ZNF431: variants seen among roughly 807,000 people sequenced by gnomAD.
The protein encoded by ZNF431 is zinc finger protein 431.
A neutral mutation model predicts 57.0 loss-of-function variants in ZNF431; 34 were observed. The ratio of observed to expected loss-of-function variants is 0.60; its 90% CI spans 0.45 to 0.79. The LOEUF (loss-of-function observed/expected upper bound fraction) is 0.79. Ranked by LOEUF, ZNF431 falls within the 30% of genes least tolerant of loss-of-function variation. The pLI is 0.00. For synonymous variants in ZNF431, 207 were observed against 220.3 expected, an observed-to-expected ratio of 0.94 and a Z score of 0.54; for missense variants, 607 against 667.1, an observed-to-expected ratio of 0.91 and a Z score of 0.99.
intron 2 of ZNF431, among the ~76,000 whole-genome samples, chr19:21,161,884 C>T (rs1970577013): frequency 1.3e-5 from 2 of 152,120 alleles, no homozygotes; most frequent in Admixed American, 1.3e-4. Flanking sequence ...GAACTCCCGA[C>T]CTCAGGTGAT....
At position 21,143,547 on chromosome 19, in the gene ZNF431, A is replaced by C. The variant is rs376252514; in HGVS notation, c.4-4A>C. ...ATCAGCTTCTGGTTTATTTTCTTCCATAGGACGACTTGAAATATGGAGTGT... is the reference window on the plus strand; with the variant it reads ...ATCAGCTTCTGGTTTATTTTCTTCCCTAGGACGACTTGAAATATGGAGTGT... On this transcript the variant is annotated splice_polypyrimidine_tract_variant and splice_region_variant and intron_variant, in intron 1 of 4. Coordinates refer to ENST00000311048, the MANE Select transcript of ZNF431 (RefSeq NM_133473.4). The C allele has an allele frequency of 6.2e-7, 1 of 1,611,926 alleles. No homozygotes were observed. Among genetic ancestry groups the C allele is most frequent in the Non-Finnish European group, 8.5e-7 (1 of 1,178,008 alleles).
In ZNF431 at chr19:21,186,412, A is replaced by G. The variant is rs1971376309; in HGVS notation, c.*2378A>G. 1 of 152,212 alleles carries G rather than the reference A, an allele frequency of 6.6e-6. No individual in the cohort carries two copies. Among genetic ancestry groups the G allele is most frequent in the Non-Finnish European group, 1.5e-5 (1 of 68,036 alleles). 9.4% of individuals were successfully genotyped at this position (152,212 alleles called of 1,614,324 possible). On this transcript the variant is annotated 3_prime_UTR_variant, in exon 5 of 5. Coordinates refer to ENST00000311048, the MANE Select transcript of ZNF431 (RefSeq NM_133473.4). ...TAAATACATGTTAGTCTAAAGACAA[A>G]TCTTAGGTGTAAGAAAATTATGGAG...
At chr19:21,177,444 TTGAAGTTGGATATCA>T (rs1971090784) in intron 4 of ZNF431, among the ~76,000 whole-genome samples, 1 of 152,166 alleles carries the variant, frequency 6.6e-6, no homozygotes, top group Non-Finnish European at 1.5e-5. Context: ...GTAGTATAGT[TTGAAGTTGGATATCA>T]TGATGCCTCC....
Position 21,156,822 on chromosome 19 carries a change from T to C in ZNF431, c.97-9513T>C, listed in dbSNP as rs375984862. ...CTGTGTTTCACTCTGTCACAAAGGC[T>C]GAAGTGCAGTGGTGCAATCTTGACT... On this transcript the variant is annotated intron_variant, in intron 2 of 4. Coordinates refer to ENST00000311048, the MANE Select transcript of ZNF431 (RefSeq NM_133473.4). 1.9e-3 allele frequency among the ~76,000 whole-genome samples: 289 copies of C among 152,330 alleles called. 1 individual carries two copies. Among genetic ancestry groups the C allele is most frequent in the African/African-American group, 6.7e-3 (280 of 41,574 alleles).
intron 2 of ZNF431, among the ~76,000 whole-genome samples, chr19:21,161,292 G>A (rs1253084674): frequency 6.6e-6 from 1 of 152,170 alleles, no homozygotes; most frequent in African/African-American, 2.4e-5. Flanking sequence ...ATGAATAGAT[G>A]TGTACAAAAA....
At chr19:21,142,647 A>C (rs971909005) in intron 1 of ZNF431, among the ~76,000 whole-genome samples, 13 of 152,208 alleles carry the variant, frequency 8.5e-5, no homozygotes, top group African/African-American at 3.1e-4. Flanking sequence ...AAAATTGTGG[A>C]GCACCCAGCT....
intron 2 of ZNF431, among the ~76,000 whole-genome samples, chr19:21,152,423 T>TG (rs1970299593): frequency 6.6e-6 from 1 of 152,228 alleles, no homozygotes; most frequent in East Asian, 1.9e-4. Context: ...AAGAAAAAGA[T>TG]CCCCATGTCC....
chr19:21,163,701 G>T (rs11881107), intron 2 of ZNF431, among the ~76,000 whole-genome samples: 1 of 151,556 alleles, frequency 6.6e-6, no homozygotes, highest in Non-Finnish European at 1.5e-5. Context: ...TTTATTTTTA[G>T]TAGAGATGAG....
rs1474472786 is a variant in ZNF431 at position 21,188,168 on chromosome 19, G to A, written c.*4134G>A. 1 of 151,724 alleles carries A rather than the reference G, an allele frequency of 6.6e-6. No individual in the cohort carries two copies. Among genetic ancestry groups the A allele is most frequent in the African/African-American group, 2.4e-5 (1 of 41,246 alleles). The allele number at this position is 151,724 out of a possible 1,614,324, so 9.4% of individuals were successfully genotyped here. A position where few individuals can be genotyped will look rare whatever the true frequency, so the allele number is the denominator to read the frequency against. On this transcript the variant is annotated 3_prime_UTR_variant, in exon 5 of 5. Coordinates refer to ENST00000311048, the MANE Select transcript of ZNF431 (RefSeq NM_133473.4). ...AGCTACTCGGAAGGCCGAGGGAGCA[G>A]AATCGCTTGAACCTGGGAGGTAGAG... is the stretch of plus-strand genomic sequence containing the variant.
At chr19:21,160,121 C>T (rs1970532824) in intron 2 of ZNF431, among the ~76,000 whole-genome samples, 1 of 151,918 alleles carries the variant, frequency 6.6e-6, no homozygotes, top group South Asian at 2.1e-4. Flanking sequence ...CTAGAATCTG[C>T]ACATAACATC....
At chr19:21,169,390 G>T (rs1431664337) in intron 4 of ZNF431, among the ~76,000 whole-genome samples, 1 of 152,076 alleles carries the variant, frequency 6.6e-6, no homozygotes, top group African/African-American at 2.4e-5. Flanking sequence ...ATTGACAATG[G>T]GCGCAATATA....
intron 4 of ZNF431, among the ~76,000 whole-genome samples, chr19:21,180,611 A>G (rs563758095): frequency 3.3e-5 from 5 of 152,304 alleles, no homozygotes; most frequent in African/African-American, 1.2e-4. Context: ...TGGGGATTAT[A>G]TAAAACCTCT....
In ZNF431 at chr19:21,188,526, C is replaced by G. The variant is rs996037112; in HGVS notation, c.*4492C>G. 6.6e-6 allele frequency: 1 copy of G among 152,058 alleles called. No homozygotes were observed. The highest frequency in any genetic ancestry group is 2.4e-5 in the African/African-American group (1 of 41,406). 9.4% of individuals were successfully genotyped at this position (152,058 alleles called of 1,614,324 possible). A position where few individuals can be genotyped will look rare whatever the true frequency, so the allele number is the denominator to read the frequency against. ...TTTTAAGTGTGAGTGTTAAAGGTTA[C>G]AAAATAATGAAATGACTTCAGTGGA... is the stretch of plus-strand genomic sequence containing the variant. On this transcript the variant is annotated 3_prime_UTR_variant, in exon 5 of 5. Coordinates refer to ENST00000311048, the MANE Select transcript of ZNF431 (RefSeq NM_133473.4).
rs964781132 is a variant in ZNF431 at position 21,190,609 on chromosome 19, G to A, written c.*6575G>A. The stretch of plus-strand genomic sequence containing the variant: ...ACATTGAGCATTTAAAAATATATCC[G>A]TTGGACATATGTATGACTTTTCTTG... On this transcript the variant is annotated 3_prime_UTR_variant, in exon 5 of 5. Coordinates refer to ENST00000311048, the MANE Select transcript of ZNF431 (RefSeq NM_133473.4). 17 of 149,260 alleles carry A rather than the reference G, an allele frequency of 1.1e-4. No individual in the cohort carries two copies. The highest frequency in any genetic ancestry group is 3.2e-4 in the African/African-American group (13 of 40,586). The allele number at this position is 149,260 out of a possible 1,614,324, so 9.2% of individuals were successfully genotyped here. A position where few individuals can be genotyped will look rare whatever the true frequency, so the allele number is the denominator to read the frequency against.
intron 4 of ZNF431, among the ~76,000 whole-genome samples, chr19:21,175,277 A>G (rs372155461): frequency 3.3e-5 from 5 of 152,094 alleles, no homozygotes; most frequent in South Asian, 2.1e-4. Context: ...GTTGGTCTCA[A>G]ACTCCTGAGT....
intron 4 of ZNF431, among the ~76,000 whole-genome samples, chr19:21,173,692 A>G (rs1970971042): frequency 6.6e-6 from 1 of 150,514 alleles, no homozygotes; most frequent in African/African-American, 2.4e-5. Context: ...TGCCAGGCTA[A>G]TTTTTATATT....
intron 1 of ZNF431, among the ~76,000 whole-genome samples, chr19:21,142,703 T>G (rs1458700798): frequency 6.6e-6 from 1 of 152,216 alleles, no homozygotes; most frequent in Non-Finnish European, 1.5e-5. Flanking sequence ...AAGAAAAGAC[T>G]TTTATAAAAA....
chr19:21,186,710 T>C lies in ZNF431; in HGVS notation c.*2676T>C, dbSNP rs1010949433. 1.3e-5 allele frequency: 2 copies of C among 152,198 alleles called. No homozygotes were observed. Among genetic ancestry groups the C allele is most frequent in the Non-Finnish European group, 2.9e-5 (2 of 68,016 alleles). The allele number at this position is 152,198 out of a possible 1,614,324, so 9.4% of individuals were successfully genotyped here. A position where few individuals can be genotyped will look rare whatever the true frequency, so the allele number is the denominator to read the frequency against. On this transcript the variant is annotated 3_prime_UTR_variant, in exon 5 of 5. Transcript: ENST00000311048. ...TTTGTTTCTTACATTTTTTTTGTTTTATATTTTATGAAGTATTCATTATGT... is the reference window on the plus strand; with the variant it reads ...TTTGTTTCTTACATTTTTTTTGTTTCATATTTTATGAAGTATTCATTATGT...
At chr19:21,177,984 T>G (rs1339546625) in intron 4 of ZNF431, among the ~76,000 whole-genome samples, 2 of 152,320 alleles carry the variant, frequency 1.3e-5, no homozygotes, top group East Asian at 3.9e-4. Context: ...TTGTGTCCTC[T>G]CTGATTTTCT....
Sources: gnomAD v4.1 joint callset for allele counts (sites outside exome capture counted in the v4.1 genomes callset) on GRCh38, gnomAD v4.1.1 for gene constraint, MANE v1.5 for transcripts, NCBI Gene and HGNC (gene_info 2026-07-23, HGNC 2026-07-21) for gene names.